The following MAGI3 variants were observed in gnomAD, a reference collection of about 807,000 sequenced individuals.
MAGI3 encodes the protein membrane-associated guanylate kinase, WW and PDZ domain-containing protein 3.
A neutral mutation model predicts 121.8 loss-of-function variants in MAGI3; 43 were observed. The observed-to-expected ratio is 0.35, with a 90% CI of 0.28 to 0.46. MAGI3 has a LOEUF of 0.46. Among genes scored for constraint, MAGI3 ranks in the 20% least tolerant of loss-of-function variants. The pLI is 1.00. For missense variants in MAGI3, 1,547 were observed against 1,797.3 expected (o/e 0.86, Z 2.52); for synonymous variants, 553 against 639.3 (o/e 0.86, Z 2.04).
chr1:113,395,919 A>G (rs755233438), intron 1 of MAGI3, among the ~76,000 whole-genome samples: 1 of 152,102 alleles, frequency 6.6e-6, no homozygotes, highest in Non-Finnish European at 1.5e-5. Flanking sequence ...GTTTATTGCT[A>G]AAACTGATTT....
At chr1:113,470,531 A>G (rs1262226424) in intron 1 of MAGI3, among the ~76,000 whole-genome samples, 5 of 152,174 alleles carry the variant, frequency 3.3e-5, no homozygotes, top group Non-Finnish European at 4.4e-5. Context: ...CATGGTAACT[A>G]TATTAAAAAA....
chr1:113,606,821 G>T (rs114340993), intron 6 of MAGI3, among the ~76,000 whole-genome samples: 4 of 151,818 alleles, frequency 2.6e-5, no homozygotes, highest in Non-Finnish European at 5.9e-5. Flanking sequence ...TAGTTTTCAC[G>T]TCCTGTTGCT....
intron 1 of MAGI3, among the ~76,000 whole-genome samples, chr1:113,484,119 T>A (rs1422078904): frequency 6.6e-6 from 1 of 152,156 alleles, no homozygotes; most frequent in Non-Finnish European, 1.5e-5. Flanking sequence ...AAATTGAAAA[T>A]CACTTTGAAA....
At chr1:113,621,858 A>T (rs1650839792) in intron 8 of MAGI3, among the ~76,000 whole-genome samples, 1 of 151,996 alleles carries the variant, frequency 6.6e-6, no homozygotes, top group Admixed American at 6.5e-5. Flanking sequence ...AAAAAACCAC[A>T]TATTGTCTGA....
intron 1 of MAGI3, among the ~76,000 whole-genome samples, chr1:113,548,287 T>C (rs904517226): frequency 6.6e-6 from 1 of 152,266 alleles, no homozygotes; most frequent in Non-Finnish European, 1.5e-5. Context: ...TTGGACTGTT[T>C]GGAGTTTCAT....
At chr1:113,580,457 C>A (rs554254245) in intron 2 of MAGI3, 85 bp from the exon 3 acceptor site, 1 of 1,300,012 alleles carries the variant, frequency 7.7e-7, no homozygotes, top group Non-Finnish European at 1.1e-6. Flanking sequence ...TATGTGTTCT[C>A]TACAAACTGA....
chr1:113,416,513 A>G (rs1000254692), intron 1 of MAGI3, among the ~76,000 whole-genome samples: 1 of 139,966 alleles, frequency 7.1e-6, no homozygotes, highest in Non-Finnish European at 1.5e-5. Context: ...GGAATATGTG[A>G]TTAATCTGGC....
At chr1:113,414,046 C>T (rs1314913282) in intron 1 of MAGI3, among the ~76,000 whole-genome samples, 2 of 152,082 alleles carry the variant, frequency 1.3e-5, no homozygotes, top group Middle Eastern at 3.4e-3. Context: ...TTTTGAGATA[C>T]GTTCCATGAA....
chr1:113,638,205 C>G (rs931179763), intron 9 of MAGI3, among the ~76,000 whole-genome samples: 1 of 152,158 alleles, frequency 6.6e-6, no homozygotes, highest in East Asian at 1.9e-4. Flanking sequence ...GTAGTTTGAT[C>G]GTCTGAAGCC....
chr1:113,436,594 T>G lies in MAGI3; in HGVS notation c.316+45245T>G, dbSNP rs138317185. Among the ~76,000 whole-genome samples the G allele has an allele frequency of 7.9e-5, 12 of 152,296 alleles. No individual in the cohort carries two copies. The East Asian group carries it at 2.1e-3, about 27-fold the overall frequency. ...TTAATTAAAATGGAAAGGATATTAT[T>G]TAACCATTGAGCTGGGTAATGTTAA... On this transcript the variant is annotated intron_variant, in intron 1 of 20. Transcript: ENST00000307546.
intron 1 of MAGI3, among the ~76,000 whole-genome samples, chr1:113,533,407 A>G (rs564544058): frequency 1.3e-4 from 20 of 152,132 alleles, no homozygotes; most frequent in Non-Finnish European, 2.9e-4. Context: ...TAGAAAGAGG[A>G]GAGCAATAGA....
Position 113,685,342 on chromosome 1 carries a change from C to T in MAGI3, c.*1328C>T, listed in dbSNP as rs1343675193. 6.6e-6 allele frequency: 1 copy of T among 152,350 alleles called. No individual in the cohort carries two copies. Among genetic ancestry groups the T allele is most frequent in the African/African-American group, 2.4e-5 (1 of 41,450 alleles). The allele number at this position is 152,350 out of a possible 1,614,324, so 9.4% of individuals were successfully genotyped here. A position where few individuals can be genotyped will look rare whatever the true frequency, so the allele number is the denominator to read the frequency against. ...AGTAGCATCTATATAAATAAAGGCA[C>T]CTTCTGAGAATAAAACTATTTTATG... is the stretch of plus-strand genomic sequence containing the variant. On this transcript the variant is annotated 3_prime_UTR_variant, in exon 21 of 21. Transcript: ENST00000307546.
intron 6 of MAGI3, among the ~76,000 whole-genome samples, chr1:113,594,821 G>A (rs1557841963): frequency 6.6e-6 from 1 of 151,922 alleles, no homozygotes; most frequent in Non-Finnish European, 1.5e-5. Flanking sequence ...GCCCTTTTTT[G>A]ACATCTGTCC....
At chr1:113,681,384 G>A (rs753045943) in intron 20 of MAGI3, 48 bp downstream of exon 20, 5 of 1,575,438 alleles carry the variant, frequency 3.2e-6, no homozygotes, top group Non-Finnish European at 4.3e-6. Context: ...TATTAGGGAG[G>A]GGACAGAAGA....
At chr1:113,460,357 G>A (rs1015843052) in intron 1 of MAGI3, among the ~76,000 whole-genome samples, 1 of 152,062 alleles carries the variant, frequency 6.6e-6, no homozygotes, top group Non-Finnish European at 1.5e-5. Context: ...CTTGAAAACC[G>A]GCATGAGACA....
intron 20 of MAGI3, among the ~76,000 whole-genome samples, chr1:113,681,705 A>G (rs927063195): frequency 6.6e-6 from 1 of 152,248 alleles, no homozygotes; most frequent in African/African-American, 2.4e-5. Context: ...ATTACACATT[A>G]CCAACCAATA....
rs1326232694 is a variant in MAGI3, at chr1:113,509,732, C to T, written c.317-39783C>T. On this transcript the variant is annotated intron_variant, in intron 1 of 20. Transcript: ENST00000307546. ...TCAAATAATGGCCAACGAGTCACAACAGTGCAATAGGTAGAGGATTAAAAA... is the reference window on the plus strand; with the variant it reads ...TCAAATAATGGCCAACGAGTCACAATAGTGCAATAGGTAGAGGATTAAAAA... 4.7e-5 allele frequency among the ~76,000 whole-genome samples: 6 copies of T among 126,476 alleles called. No homozygotes were observed. In the Admixed American group the frequency reaches 5.2e-4, roughly 11 times the overall value. 83.0% of individuals were successfully genotyped at this position (126,476 alleles called of 152,430 possible).
At chr1:113,492,635 T>C (rs1002806260) in intron 1 of MAGI3, among the ~76,000 whole-genome samples, 1 of 152,154 alleles carries the variant, frequency 6.6e-6, no homozygotes, top group African/African-American at 2.4e-5. Context: ...CATAATCGTA[T>C]ACCTAGAAAA....
chr1:113,557,072 C>T (rs752939723), intron 2 of MAGI3, among the ~76,000 whole-genome samples: 1 of 152,218 alleles, frequency 6.6e-6, no homozygotes, highest in Non-Finnish European at 1.5e-5. Context: ...GGCACCATCT[C>T]TGCTGTTTGG....
Sources: allele counts gnomAD v4.1 joint callset (sites outside exome capture counted in the v4.1 genomes callset), GRCh38; gene constraint gnomAD v4.1.1; transcripts MANE v1.5; gene names NCBI Gene and HGNC (gene_info 2026-07-23, HGNC 2026-07-21).